The following KIF5B variants were observed in gnomAD, a reference collection of about 807,000 sequenced individuals.
KIF5B encodes the protein kinesin family member 5B.
Under a neutral mutation model 132.8 loss-of-function variants are expected in KIF5B, and 49 were observed. That is an observed-to-expected ratio of 0.37 (90% CI 0.29 to 0.47). The LOEUF is 0.47. KIF5B is among the 20% of genes least tolerant of loss of function. KIF5B has a pLI of 1.00. For synonymous variants in KIF5B, 355 were observed against 369.4 expected, an observed-to-expected ratio of 0.96 and a Z score of 0.45; for missense variants, 780 against 1,144.0, an observed-to-expected ratio of 0.68 and a Z score of 4.59.
At chr10:32,017,845 T>A (rs1161974670) in intron 23 of KIF5B, among the ~76,000 whole-genome samples, 1 of 152,214 alleles carries the variant, frequency 6.6e-6, no homozygotes, top group Non-Finnish European at 1.5e-5. Flanking sequence ...TGAGAATACA[T>A]GTTTTCACTG....
intron 25 of KIF5B, 63 bp downstream of exon 25, chr10:32,015,446 A>G (rs1841145728): frequency 1.5e-6 from 2 of 1,321,900 alleles, no homozygotes; most frequent in Non-Finnish European, 2.0e-6. Context: ...TTAAAACCAA[A>G]AAACCTATTT....
chr10:32,010,610 C>A lies in KIF5B; in HGVS notation c.*927G>T, dbSNP rs1841064472. 1.3e-5 allele frequency: 2 copies of A among 151,996 alleles called. No individual in the cohort carries two copies. Among genetic ancestry groups the A allele is most frequent in the Non-Finnish European group, 1.5e-5 (1 of 67,976 alleles). The allele number at this position is 151,996 out of a possible 1,614,324, so 9.4% of individuals were successfully genotyped here. A position where few individuals can be genotyped will look rare whatever the true frequency, so the allele number is the denominator to read the frequency against. ...TAACCGTATAAAATTATGTTTAATC[C>A]TATAATATCTTAATTCATTTTACTA... On this transcript the variant is annotated 3_prime_UTR_variant, in exon 26 of 26. Coordinates refer to ENST00000302418, the MANE Select transcript of KIF5B (RefSeq NM_004521.3).
chr10:32,037,850 G>A lies in KIF5B; in HGVS notation c.499-243C>T, dbSNP rs141016693. ...CCATATATTAAATGAATTGGCTCAC[G>A]CCTGTAATCCCAGCACTTTGGGAGG... On this transcript the variant is annotated intron_variant, in intron 6 of 25. Transcript: ENST00000302418. Among the ~76,000 whole-genome samples the A allele has an allele frequency of 4.9e-4, 75 of 151,962 alleles. No individual in the cohort carries two copies. The East Asian group carries it at 0.011, about 22-fold the overall frequency.
intron 25 of KIF5B, among the ~76,000 whole-genome samples, chr10:32,013,140 A>G (rs2132573083): frequency 6.6e-6 from 1 of 152,080 alleles, no homozygotes; most frequent in East Asian, 1.9e-4. Flanking sequence ...ACCTGAGGTG[A>G]CCCACCCACC....
intron 2 of KIF5B, among the ~76,000 whole-genome samples, chr10:32,044,800 G>GT (rs1841588114): frequency 6.6e-6 from 1 of 152,192 alleles, no homozygotes; most frequent in South Asian, 2.1e-4. Flanking sequence ...GAAAGGTTAG[G>GT]TAACTTGCCA....
At position 32,038,135 on chromosome 10, in the gene KIF5B, G is replaced by T. The variant is rs368638845; in HGVS notation, c.498+28C>A. On this transcript the variant is annotated intron_variant, in intron 6 of 25. Transcript: ENST00000302418. The stretch of plus-strand genomic sequence containing the variant: ...AAAAAAAAAAAAAAAGTATTACAGG[G>T]TTTTCTAGACAACTGTACTATAAAT... The T allele has an allele frequency of 1.2e-5, 17 of 1,381,424 alleles. No homozygotes were observed. The East Asian group carries it at 1.4e-4, about 11-fold the overall frequency. 85.6% of individuals were successfully genotyped at this position (1,381,424 alleles called of 1,614,324 possible).
chr10:32,042,220 T>G (rs1375787968), intron 2 of KIF5B, among the ~76,000 whole-genome samples: 3 of 152,096 alleles, frequency 2.0e-5, no homozygotes, highest in Non-Finnish European at 4.4e-5. Context: ...AACCCCAACA[T>G]GGGCACAACT....
chr10:32,033,808 C>G (rs1375145902), intron 12 of KIF5B, 37 bp downstream of exon 12: 6 of 1,422,496 alleles, frequency 4.2e-6, no homozygotes, highest in Non-Finnish European at 5.9e-6. Flanking sequence ...TCAATAGTAT[C>G]CTAATATAAA....
At position 32,011,302 on chromosome 10, in the gene KIF5B, T is replaced by C. The variant is rs1451709943; in HGVS notation, c.*235A>G. Reference sequence around the variant, plus strand: ...AGGGCCACAGTTGTAAACTGTCCTTTTTCCCTCCTAAGATGCCAAAATTGC... The same window carrying C: ...AGGGCCACAGTTGTAAACTGTCCTTCTTCCCTCCTAAGATGCCAAAATTGC... On this transcript the variant is annotated 3_prime_UTR_variant, in exon 26 of 26. Transcript: ENST00000302418. 1 of 152,604 alleles carries C rather than the reference T, an allele frequency of 6.6e-6. No homozygotes were observed. The highest frequency in any genetic ancestry group is 2.4e-5 in the African/African-American group (1 of 41,462). 9.5% of individuals were successfully genotyped at this position (152,604 alleles called of 1,614,324 possible).
At chr10:32,050,884 A>G (rs1014727613) in intron 1 of KIF5B, among the ~76,000 whole-genome samples, 1 of 152,246 alleles carries the variant, frequency 6.6e-6, no homozygotes, top group East Asian at 1.9e-4. Flanking sequence ...CGTTAAGTAC[A>G]ATCAAAATAA....
chr10:32,026,071 C>T (rs1841329533), intron 15 of KIF5B, among the ~76,000 whole-genome samples: 1 of 152,148 alleles, frequency 6.6e-6, no homozygotes, highest in African/African-American at 2.4e-5. Context: ...TTAAAATCCA[C>T]ACAACTATAG....
chr10:32,013,147 C>CA (rs984267780), intron 25 of KIF5B, among the ~76,000 whole-genome samples: 4 of 152,054 alleles, frequency 2.6e-5, no homozygotes, highest in African/African-American at 9.7e-5. Flanking sequence ...GTGACCCACC[C>CA]ACCTCAGCCT....
chr10:32,009,638 C>T lies in KIF5B; in HGVS notation c.*1899G>A, dbSNP rs919402146. On this transcript the variant is annotated 3_prime_UTR_variant, in exon 26 of 26. Transcript: ENST00000302418. ...CATGATACATCTTACAAGAACAAAA[C>T]TAACATATTTGGAAAAAAGAGAAAA... 6.6e-5 allele frequency: 10 copies of T among 152,030 alleles called. No homozygotes were observed. The highest frequency in any genetic ancestry group is 2.0e-4 in the Admixed American group (3 of 15,258). 9.4% of individuals were successfully genotyped at this position (152,030 alleles called of 1,614,324 possible).
At chr10:32,045,212 C>T (rs551678271) in intron 2 of KIF5B, among the ~76,000 whole-genome samples, 43 of 152,064 alleles carry the variant, frequency 2.8e-4, no homozygotes, top group Non-Finnish European at 5.9e-4. Flanking sequence ...CTCACGAGAA[C>T]AGCATGAGAA....
intron 15 of KIF5B, among the ~76,000 whole-genome samples, chr10:32,026,298 C>A (rs901452976): frequency 6.6e-6 from 1 of 151,782 alleles, no homozygotes; most frequent in Non-Finnish European, 1.5e-5. Context: ...ATTATCCAGG[C>A]GTGGTGGCAC....
At position 32,032,788 on chromosome 10, in the gene KIF5B, G is replaced by A. The variant is rs1212995855; in HGVS notation, c.1306-14C>T. ...AATTTCTTCATCCTAGAATTGTGAA[G>A]TATCCGGTTAACCAGTAGCTAACAA... On this transcript the variant is annotated splice_polypyrimidine_tract_variant and intron_variant, in intron 12 of 25. Transcript: ENST00000302418. 6.2e-7 allele frequency: 1 copy of A among 1,610,026 alleles called. No homozygotes were observed. The highest frequency in any genetic ancestry group is 2.2e-5 in the East Asian group (1 of 44,828).
chr10:32,039,054 T>C (rs1453978354), intron 4 of KIF5B, among the ~76,000 whole-genome samples: 2 of 152,182 alleles, frequency 1.3e-5, no homozygotes, highest in Non-Finnish European at 2.9e-5. Context: ...TGAATTAGAA[T>C]AGTTTTATGT....
rs747725495 is a variant in KIF5B at position 32,050,414 on chromosome 10, T to TA, written c.127-1864dup. Among the ~76,000 whole-genome samples the TA allele has an allele frequency of 1.0e-3, 152 of 152,256 alleles. 1 individual carries two copies. The highest frequency in any genetic ancestry group is 1.7e-3 in the Non-Finnish European group (117 of 68,022). ...TCTGAGAAGGGTGTTGTTATCCTGA[T>TA]AAAAAGGACCATCTCAGCTAAAACT... On this transcript the variant is annotated intron_variant, in intron 1 of 25. Transcript: ENST00000302418.
chr10:32,017,993 A>G, intron 23 of KIF5B, 59 bp downstream of exon 23: 1 of 879,802 alleles, frequency 1.1e-6, no homozygotes, highest in Non-Finnish European at 1.8e-6. Context: ...CTCACTTGCC[A>G]ATCCTCAATT....
Sources: allele counts gnomAD v4.1 joint callset (sites outside exome capture counted in the v4.1 genomes callset), GRCh38; gene constraint gnomAD v4.1.1; transcripts MANE v1.5; gene names NCBI Gene and HGNC (gene_info 2026-07-23, HGNC 2026-07-21).